FAM177A1: variants seen among roughly 807,000 people sequenced by gnomAD.
The protein encoded by FAM177A1 is family with sequence similarity 177 member A1.
A neutral mutation model predicts 26.1 loss-of-function variants in FAM177A1; 22 were observed. That is an observed-to-expected ratio of 0.84 (90% CI 0.60 to 1.20). The LOEUF is 1.20. Among genes scored for constraint, FAM177A1 ranks in the 50% most tolerant of loss-of-function variants. FAM177A1 has a pLI of 0.00. For missense variants in FAM177A1, 296 were observed against 291.1 expected (o/e 1.02, Z -0.12); for synonymous variants, 95 against 99.3 (o/e 0.96, Z 0.26).
chr14:35,059,125 C>T (rs2045109880), intron 2 of FAM177A1, among the ~76,000 whole-genome samples: 1 of 151,910 alleles, frequency 6.6e-6, no homozygotes, highest in Non-Finnish European at 1.5e-5. Context: ...TTAGTATTCA[C>T]CATGTTAGCC....
intron 2 of FAM177A1, among the ~76,000 whole-genome samples, chr14:35,056,327 G>T (rs112594352): frequency 6.6e-6 from 1 of 151,560 alleles, no homozygotes; most frequent in African/African-American, 2.4e-5. Flanking sequence ...GAGCCACTGC[G>T]CCCAGGCAAC....
chr14:35,046,694 GCT>G (rs1286235284), intron 1 of FAM177A1, 66 bp downstream of exon 1: 3 of 1,480,740 alleles, frequency 2.0e-6, no homozygotes, highest in Non-Finnish European at 1.8e-6. Flanking sequence ...TCCGCGGGCC[GCT>G]CTTTTAGCCT....
At chr14:35,063,153 C>G in intron 2 of FAM177A1, among the ~76,000 whole-genome samples, 1 of 133,662 alleles carries the variant, frequency 7.5e-6, no homozygotes, top group Non-Finnish European at 1.6e-5. Context: ...GAGTGAGACT[C>G]CATCTCAAAA....
intron 1 of FAM177A1, among the ~76,000 whole-genome samples, chr14:35,052,220 A>T (rs2044982860): frequency 6.6e-6 from 1 of 151,242 alleles, no homozygotes; most frequent in African/African-American, 2.4e-5. Context: ...CCTTTTTGAA[A>T]TCTGGAAGTT....
chr14:35,074,832 G>A (rs1426507533), intron 2 of FAM177A1, among the ~76,000 whole-genome samples: 2 of 151,810 alleles, frequency 1.3e-5, no homozygotes, highest in Non-Finnish European at 2.9e-5. Context: ...ACATGGGGCC[G>A]GAATTTGAGA....
intron 2 of FAM177A1, among the ~76,000 whole-genome samples, chr14:35,061,618 TGGG>T (rs1460377778): frequency 2.4e-5 from 1 of 42,006 alleles, no homozygotes; most frequent in Non-Finnish European, 4.1e-5. Context: ...TGTTGTGGGG[TGGG>T]GGGAGGGGGG....
chr14:35,047,172 A>C, intron 1 of FAM177A1: 2 of 263,022 alleles, frequency 7.6e-6, no homozygotes, highest in Non-Finnish European at 1.2e-5. Context: ...TGCATTGAAA[A>C]TTGTAATTTA....
intron 4 of FAM177A1, among the ~76,000 whole-genome samples, chr14:35,080,574 G>GTGGA (rs1467452884): frequency 6.6e-6 from 1 of 152,170 alleles, no homozygotes; most frequent in African/African-American, 2.4e-5. Flanking sequence ...GCCGAGGTGG[G>GTGGA]TGGATCACTT....
chr14:35,066,676 A>G (rs1044405892), intron 2 of FAM177A1, among the ~76,000 whole-genome samples: 41 of 152,138 alleles, frequency 2.7e-4, no homozygotes, highest in Admixed American at 1.0e-3. Context: ...AAGTGCTGGG[A>G]TTACAGGCGT....
At position 35,082,608 on chromosome 14, in the gene FAM177A1, A is replaced by T. The variant is rs746576372; in HGVS notation, c.*1380A>T. The T allele has an allele frequency of 3.9e-5, 6 of 152,140 alleles. No individual in the cohort carries two copies. The highest frequency in any genetic ancestry group is 8.8e-5 in the Non-Finnish European group (6 of 68,026). 9.4% of individuals were successfully genotyped at this position (152,140 alleles called of 1,614,324 possible). On this transcript the variant is annotated 3_prime_UTR_variant, in exon 5 of 5. Coordinates refer to ENST00000280987, the MANE Select transcript of FAM177A1 (RefSeq NM_173607.5). ...GTATAGAACCTTTTATCAGTATAAC[A>T]TTGATTTATAATTAAATGTGGGTGA...
intron 3 of FAM177A1, among the ~76,000 whole-genome samples, chr14:35,077,591 G>T (rs8010838): frequency 0.34 from 49,165 of 146,172 alleles, 8,363 homozygotes; most frequent in Middle Eastern, 0.41. Flanking sequence ...CACGCCATTC[G>T]CCTGCCTCAG....
intron 2 of FAM177A1, among the ~76,000 whole-genome samples, chr14:35,063,514 G>C (rs182263932): frequency 1.5e-3 from 218 of 149,682 alleles, no homozygotes; most frequent in African/African-American, 5.2e-3. Context: ...GGAGGTGGAG[G>C]TTGCAGTGAG....
intron 2 of FAM177A1, among the ~76,000 whole-genome samples, chr14:35,061,851 C>T (rs8014377): frequency 0.18 from 26,979 of 151,402 alleles, 2,560 homozygotes; most frequent in East Asian, 0.37. Flanking sequence ...TGGGTAAAGG[C>T]GATCAGGGCC....
At chr14:35,077,590 C>T (rs972553700) in intron 3 of FAM177A1, among the ~76,000 whole-genome samples, 3 of 148,970 alleles carry the variant, frequency 2.0e-5, no homozygotes, top group Non-Finnish European at 4.4e-5. Flanking sequence ...TCACGCCATT[C>T]GCCTGCCTCA....
Position 35,053,001 on chromosome 14 carries a change from A to G in FAM177A1, c.166-277A>G, listed in dbSNP as rs986383070. Among the ~76,000 whole-genome samples, 18 of 152,294 alleles carry G rather than the reference A, an allele frequency of 1.2e-4. 1 individual carries two copies. Among genetic ancestry groups the G allele is most frequent in the Middle Eastern group, 3.4e-3 (1 of 294 alleles). ...CTATCAGAAATCTCTTTTGTTACAT[A>G]TGTATTACTGGCCAAGACATCTGGA... On this transcript the variant is annotated intron_variant, in intron 1 of 4. Transcript: ENST00000280987.
At position 35,053,457 on chromosome 14, in the gene FAM177A1, T is replaced by G. The variant is rs1264583031; in HGVS notation, c.339+6T>G. 1.2e-6 allele frequency: 2 copies of G among 1,613,116 alleles called. No individual in the cohort carries two copies. Among genetic ancestry groups the G allele is most frequent in the Non-Finnish European group, 1.7e-6 (2 of 1,179,684 alleles). Reference sequence around the variant, plus strand: ...TTTTGCCTACTGTTGATCCGGTAGGTTTGATATTGATGATTCTTTCCTCAG... The same window carrying G: ...TTTTGCCTACTGTTGATCCGGTAGGGTTGATATTGATGATTCTTTCCTCAG... On this transcript the variant is annotated splice_donor_region_variant and intron_variant, in intron 2 of 4. Coordinates refer to ENST00000280987, the MANE Select transcript of FAM177A1 (RefSeq NM_173607.5).
rs1262759435 is a variant in FAM177A1 at position 35,082,198 on chromosome 14, A to G, written c.*970A>G. The G allele has an allele frequency of 2.0e-5, 3 of 152,116 alleles. No individual in the cohort carries two copies. The highest frequency in any genetic ancestry group is 7.2e-5 in the African/African-American group (3 of 41,432). The allele number at this position is 152,116 out of a possible 1,614,324, so 9.4% of individuals were successfully genotyped here. On this transcript the variant is annotated 3_prime_UTR_variant, in exon 5 of 5. Transcript: ENST00000280987. ...ATTTGTAAACCTTACAAATGTATATATTGTGAAGCTAATTTTGAAAATATT... is the reference window on the plus strand; with the variant it reads ...ATTTGTAAACCTTACAAATGTATATGTTGTGAAGCTAATTTTGAAAATATT...
chr14:35,053,067 G>T (rs2045000145), intron 1 of FAM177A1: 1 of 474,742 alleles, frequency 2.1e-6, no homozygotes, highest in Non-Finnish European at 3.7e-6. Flanking sequence ...TTCCAGATTT[G>T]GTTTACAAAT....
At chr14:35,050,969 T>C (rs2044958225) in intron 1 of FAM177A1, 1 of 152,112 alleles carries the variant, frequency 6.6e-6, no homozygotes, top group Non-Finnish European at 1.5e-5. Flanking sequence ...ACTTGTTTAT[T>C]TTTTTCATGG....
Sources: allele counts gnomAD v4.1 joint callset (sites outside exome capture counted in the v4.1 genomes callset), GRCh38; gene constraint gnomAD v4.1.1; transcripts MANE v1.5; gene names NCBI Gene and HGNC (gene_info 2026-07-23, HGNC 2026-07-21).